Variants in CDH23 observed in about 807,000 individuals in gnomAD.
CDH23 encodes cadherin-23.
Under a neutral mutation model 317.1 loss-of-function variants are expected in CDH23, and 189 were observed. That is an observed-to-expected ratio of 0.60 (90% CI 0.53 to 0.67). The LOEUF (loss-of-function observed/expected upper bound fraction) is 0.67. Ranked by LOEUF, CDH23 falls within the 30% of genes least tolerant of loss-of-function variation. The pLI is 0.00. For missense variants in CDH23, 4,401 were observed against 4,592.4 expected (o/e 0.96, Z 1.20); for synonymous variants, 1,839 against 1,876.8 (o/e 0.98, Z 0.52).
At chr10:71,668,244 C>T (rs1011815759) in intron 14 of CDH23, among the ~76,000 whole-genome samples, 4 of 152,244 alleles carry the variant, frequency 2.6e-5, no homozygotes, top group East Asian at 1.9e-4. Flanking sequence ...GCTGGGAGCC[C>T]GCTCTTTCCA....
chr10:71,495,096 C>A (rs917277104), intron 3 of CDH23, among the ~76,000 whole-genome samples: 9 of 152,186 alleles, frequency 5.9e-5, no homozygotes, highest in African/African-American at 2.2e-4. Context: ...CCCCACTTCC[C>A]TGTCAAAACT....
At chr10:71,625,023 T>C (rs1263695440) in intron 11 of CDH23, among the ~76,000 whole-genome samples, 1 of 151,642 alleles carries the variant, frequency 6.6e-6, no homozygotes, top group Non-Finnish European at 1.5e-5. Flanking sequence ...TAGACAAGAG[T>C]GGGCACATCC....
chr10:71,789,377 C>T (rs1030054622), intron 45 of CDH23, among the ~76,000 whole-genome samples: 8 of 152,312 alleles, frequency 5.3e-5, no homozygotes, highest in Non-Finnish European at 8.8e-5. Flanking sequence ...GCTCCCTCCA[C>T]CCCAGGAGTG....
At chr10:71,398,634 G>T (rs1847643783) in intron 1 of CDH23, among the ~76,000 whole-genome samples, 1 of 152,040 alleles carries the variant, frequency 6.6e-6, no homozygotes, top group Admixed American at 6.5e-5. Context: ...CGTGGTGCAG[G>T]GGTAGGCGCA....
At chr10:71,515,485 G>C (rs1052778281) in intron 6 of CDH23, among the ~76,000 whole-genome samples, 3 of 147,468 alleles carry the variant, frequency 2.0e-5, no homozygotes, top group African/African-American at 7.6e-5. Flanking sequence ...TCTGCCTGTC[G>C]TTCAAAGCCC....
chr10:71,453,402 G>A (rs927453516), intron 3 of CDH23, among the ~76,000 whole-genome samples: 1 of 152,228 alleles, frequency 6.6e-6, no homozygotes, highest in African/African-American at 2.4e-5. Context: ...CAAGCAGGCC[G>A]GCAACTCCCC....
At chr10:71,489,540 G>T in intron 3 of CDH23, among the ~76,000 whole-genome samples, 1 of 151,236 alleles carries the variant, frequency 6.6e-6, no homozygotes, top group Admixed American at 6.6e-5. Context: ...ACTATTTGAG[G>T]GCCTGATTAT....
At chr10:71,576,552 G>A (rs145002186) in intron 8 of CDH23, among the ~76,000 whole-genome samples, 4,149 of 152,274 alleles carry the variant, frequency 0.027, 81 homozygotes, top group Middle Eastern at 0.048. Context: ...ACAGTGAGTG[G>A]AGGGAAGTGG....
intron 7 of CDH23, among the ~76,000 whole-genome samples, chr10:71,567,303 T>A (rs967486456): frequency 2.0e-5 from 3 of 152,200 alleles, no homozygotes; most frequent in African/African-American, 7.2e-5. Context: ...ACATTCTTAG[T>A]GCAGAGTGCC....
chr10:71,774,008 C>G (rs1294478160), intron 38 of CDH23, among the ~76,000 whole-genome samples: 4 of 151,524 alleles, frequency 2.6e-5, no homozygotes, highest in Non-Finnish European at 5.9e-5. Flanking sequence ...GCCAGTTTAA[C>G]TGTAGATTCA....
chr10:71,454,846 T>A (rs1471612543), intron 3 of CDH23, among the ~76,000 whole-genome samples: 2 of 20,090 alleles, frequency 1.0e-4, no homozygotes, highest in Non-Finnish European at 1.9e-4. Context: ...TTACATTTTA[T>A]TTTTTTTTTT....
chr10:71,683,536 G>A (rs1041429644), intron 18 of CDH23, among the ~76,000 whole-genome samples: 1 of 152,214 alleles, frequency 6.6e-6, no homozygotes, highest in Non-Finnish European at 1.5e-5. Context: ...CATTGTCTGG[G>A]CCAGGGACCC....
intron 7 of CDH23, among the ~76,000 whole-genome samples, chr10:71,568,765 G>A (rs997504449): frequency 6.6e-6 from 1 of 152,210 alleles, no homozygotes; most frequent in African/African-American, 2.4e-5. Context: ...ACCAGGATGG[G>A]GAAATTGAGG....
chr10:71,576,400 G>C (rs546320035), intron 8 of CDH23, among the ~76,000 whole-genome samples: 2 of 152,306 alleles, frequency 1.3e-5, no homozygotes, highest in East Asian at 1.9e-4. Flanking sequence ...TGCCCCTGCT[G>C]TGTCATGGCA....
intron 28 of CDH23, 166 bp downstream of exon 28, chr10:71,712,979 C>T: frequency 1.2e-6 from 1 of 846,004 alleles, no homozygotes; most frequent in Non-Finnish European, 2.0e-6. Flanking sequence ...CCCAGGCCCT[C>T]TCCCATCCCA....
chr10:71,734,192 A>T, intron 32 of CDH23, 48 bp from the exon 33 acceptor site: 1 of 1,485,004 alleles, frequency 6.7e-7, no homozygotes, highest in Non-Finnish European at 9.3e-7. Context: ...GACCAGGGTT[A>T]ACAAGGGTGC....
At position 71,751,049 on chromosome 10, in the gene CDH23, G is replaced by T; in HGVS notation, c.4845+9128G>T. 1 of 588,504 alleles carries T rather than the reference G, an allele frequency of 1.7e-6. No homozygotes were observed. Among genetic ancestry groups the T allele is most frequent in the Admixed American group, 3.4e-5 (1 of 29,508 alleles). The allele number at this position is 588,504 out of a possible 1,614,324, so 36.5% of individuals were successfully genotyped here. The stretch of plus-strand genomic sequence containing the variant: ...GAATCTCAGCACCCCAAAATCCTTG[G>T]AACAGGGGCTGAGCCGTCCAGCATC... On this transcript the variant is annotated intron_variant, in intron 38 of 69. Coordinates refer to ENST00000224721, the MANE Select transcript of CDH23 (RefSeq NM_022124.6). This position sits in a 1 kb window ranked among gnomAD's most constrained non-coding sequence, Gnocchi z 4.9.
Position 71,615,580 on chromosome 10 carries a change from C to A in CDH23, c.909C>A (p.Asn303Lys), listed in dbSNP as rs201884566. 4 of 1,613,954 alleles carry A rather than the reference C, an allele frequency of 2.5e-6. No individual in the cohort carries two copies. The Admixed American group carries it at 5.0e-5, about 20-fold the overall frequency. ...TGAATGGCCTGCTGGACCGGGAGAACCCCCTGTACAGCCATGGCTTCATCC... is the reference window on the plus strand; with the variant it reads ...TGAATGGCCTGCTGGACCGGGAGAAACCCCTGTACAGCCATGGCTTCATCC... ...LTLNGLLDRE[N>K]PLYSHGFILT... is the part of the protein sequence containing the mutation. Residue 303 changes from asparagine (N) to lysine (K), a missense_variant, in exon 10 of 70, where the codon AAC becomes AAA. Transcript: ENST00000224721.
intron 8 of CDH23, among the ~76,000 whole-genome samples, chr10:71,572,603 CT>C (rs1857892304): frequency 6.6e-6 from 1 of 152,186 alleles, no homozygotes; most frequent in South Asian, 2.1e-4. Context: ...CTCTCCGCCC[CT>C]GTGCCTGCTC....
Sources: allele counts gnomAD v4.1 joint callset (sites outside exome capture counted in the v4.1 genomes callset), GRCh38; gene constraint gnomAD v4.1.1; non-coding constraint Gnocchi (gnomAD v3.1); transcripts MANE v1.5; gene names NCBI Gene and HGNC (gene_info 2026-07-23, HGNC 2026-07-21).